SLC13A3: variants seen among roughly 807,000 people sequenced by gnomAD.
The protein encoded by SLC13A3 is solute carrier family 13 member 3.
A neutral mutation model predicts 59.0 loss-of-function variants in SLC13A3; 40 were observed. The ratio of observed to expected loss-of-function variants is 0.68; its 90% confidence interval spans 0.53 to 0.88. SLC13A3 has a LOEUF of 0.88. Among genes scored for constraint, SLC13A3 ranks in the 40% least tolerant of loss-of-function variants. SLC13A3 has a pLI of 0.00. For missense variants in SLC13A3, 699 were observed against 783.2 expected (o/e 0.89, Z 1.28); for synonymous variants, 317 against 330.3 (o/e 0.96, Z 0.44).
chr20:46,578,948 C>T (rs1049036613), intron 9 of SLC13A3, among the ~76,000 whole-genome samples: 2 of 152,092 alleles, frequency 1.3e-5, no homozygotes, highest in African/African-American at 4.8e-5. Context: ...TACTTTTCCA[C>T]CACAAGCACA....
chr20:46,674,338 C>T (rs184959133), upstream of SLC13A3, among the ~76,000 whole-genome samples: 12 of 152,216 alleles, frequency 7.9e-5, no homozygotes, highest in East Asian at 2.3e-3. Flanking sequence ...ACAGTTTGGC[C>T]TTGTGGGGCC....
At chr20:46,642,893 C>T (rs1028959293) in intron 1 of SLC13A3, among the ~76,000 whole-genome samples, 20 of 152,206 alleles carry the variant, frequency 1.3e-4, no homozygotes, top group Non-Finnish European at 1.3e-4. Context: ...AACCATCTGC[C>T]GCCATCTGCC....
At chr20:46,581,276 T>A (rs898977264) in intron 9 of SLC13A3, among the ~76,000 whole-genome samples, 3 of 152,142 alleles carry the variant, frequency 2.0e-5, no homozygotes, top group Non-Finnish European at 4.4e-5. Flanking sequence ...CAACCCCAGG[T>A]GCCAGAACCA....
intron 1 of SLC13A3, among the ~76,000 whole-genome samples, chr20:46,616,977 G>A (rs987325801): frequency 4.6e-5 from 7 of 152,180 alleles, no homozygotes; most frequent in African/African-American, 1.7e-4. Context: ...ATGAAACTCT[G>A]TCTCCAGCCC....
intron 9 of SLC13A3, among the ~76,000 whole-genome samples, chr20:46,577,725 A>G (rs2062093292): frequency 6.6e-6 from 1 of 152,158 alleles, no homozygotes; most frequent in South Asian, 2.1e-4. Flanking sequence ...TGGATTTCCC[A>G]CTGCAGCTCA....
chr20:46,681,432 G>A (rs2063153157), intron 1 of SLC13A3, among the ~76,000 whole-genome samples: 2 of 151,990 alleles, frequency 1.3e-5, no homozygotes, highest in Non-Finnish European at 2.9e-5. Context: ...AAAAGAAAGG[G>A]AGGAAGAAAG....
intron 3 of SLC13A3, among the ~76,000 whole-genome samples, chr20:46,606,091 T>C (rs1185835967): frequency 6.6e-6 from 1 of 152,216 alleles, no homozygotes; most frequent in Non-Finnish European, 1.5e-5. Flanking sequence ...TGCACAAGAC[T>C]GCACCAGTGA....
chr20:46,609,194 A>G (rs1335787742), intron 3 of SLC13A3: 1 of 1,357,398 alleles, frequency 7.4e-7, no homozygotes. Context: ...ATGATGTGGC[A>G]GCCACTTTGC....
At chr20:46,626,711 G>A (rs2062677040) in intron 1 of SLC13A3, among the ~76,000 whole-genome samples, 2 of 152,144 alleles carry the variant, frequency 1.3e-5, no homozygotes, top group Admixed American at 1.3e-4. Context: ...CACTCTGCCA[G>A]GACTTAAGAA....
chr20:46,592,811 G>A (rs1433571038), intron 5 of SLC13A3, among the ~76,000 whole-genome samples: 1 of 152,222 alleles, frequency 6.6e-6, no homozygotes, highest in Non-Finnish European at 1.5e-5. Flanking sequence ...AAACAGGCCA[G>A]GCTGGGCCAT....
At chr20:46,614,807 C>T (rs1323212203) in intron 1 of SLC13A3, among the ~76,000 whole-genome samples, 2 of 152,162 alleles carry the variant, frequency 1.3e-5, no homozygotes, top group Non-Finnish European at 2.9e-5. Flanking sequence ...CATACAAGTG[C>T]CCTGCTGCTG....
At chr20:46,657,131 CT>C (rs2062999566) in intron 1 of SLC13A3, among the ~76,000 whole-genome samples, 1 of 151,906 alleles carries the variant, frequency 6.6e-6, no homozygotes. Flanking sequence ...ACAAAAAAAG[CT>C]TTTGAGAAAA....
intron 12 of SLC13A3, among the ~76,000 whole-genome samples, chr20:46,562,106 C>T (rs1426636057): frequency 6.6e-6 from 1 of 152,172 alleles, no homozygotes; most frequent in Admixed American, 6.5e-5. Context: ...TCTAAGTAGC[C>T]TCCCTGCTTC....
chr20:46,648,526 A>G (rs2062917539), intron 1 of SLC13A3, among the ~76,000 whole-genome samples: 1 of 152,134 alleles, frequency 6.6e-6, no homozygotes, highest in Non-Finnish European at 1.5e-5. Flanking sequence ...AGTGACATCT[A>G]GAGCCATATA....
chr20:46,599,759 C>T (rs1056715134), intron 4 of SLC13A3, among the ~76,000 whole-genome samples: 36 of 152,126 alleles, frequency 2.4e-4, no homozygotes, highest in African/African-American at 7.7e-4. Context: ...ATTTAATGTG[C>T]TGCCCTACCC....
chr20:46,590,003 T>G (rs1306485284), intron 6 of SLC13A3, among the ~76,000 whole-genome samples: 3 of 152,182 alleles, frequency 2.0e-5, no homozygotes, highest in Non-Finnish European at 2.9e-5. Context: ...TTCATGCCCT[T>G]GGAATAGGCA....
upstream of SLC13A3, among the ~76,000 whole-genome samples, chr20:46,674,591 G>GCGCGCGCA (rs1413935979): frequency 2.8e-5 from 2 of 70,810 alleles, no homozygotes; most frequent in African/African-American, 9.2e-5. Flanking sequence ...TGGGGAGTGC[G>GCGCGCGCA]CGCGCGCGCG....
In SLC13A3 at chr20:46,558,345, C is replaced by T. The variant is rs2061902029; in HGVS notation, c.*1677G>A. 6.6e-6 allele frequency: 1 copy of T among 152,272 alleles called. No homozygotes were observed. The highest frequency in any genetic ancestry group is 1.5e-5 in the Non-Finnish European group (1 of 68,054). The allele number at this position is 152,272 out of a possible 1,614,324, so 9.4% of individuals were successfully genotyped here. Reference sequence around the variant, plus strand: ...AGCAGTAGAAAATCAGAGAGGTCAACTCTGTGGAATCCCCAGCCCAGGAAT... The same window carrying T: ...AGCAGTAGAAAATCAGAGAGGTCAATTCTGTGGAATCCCCAGCCCAGGAAT... On this transcript the variant is annotated 3_prime_UTR_variant, in exon 13 of 13. Transcript: ENST00000279027.
chr20:46,662,508 CT>C (rs2063037213), intron 1 of SLC13A3, among the ~76,000 whole-genome samples: 1 of 152,134 alleles, frequency 6.6e-6, no homozygotes, highest in African/African-American at 2.4e-5. Context: ...AATACAGAGA[CT>C]TATGGGTACC....
Sources: gnomAD v4.1 joint callset for allele counts (sites outside exome capture counted in the v4.1 genomes callset) on GRCh38, gnomAD v4.1.1 for gene constraint, MANE v1.5 for transcripts, NCBI Gene and HGNC (gene_info 2026-07-23, HGNC 2026-07-21) for gene names.